The following PRKD1 variants were observed in gnomAD, a reference collection of about 807,000 sequenced individuals.
PRKD1 encodes serine/threonine-protein kinase D1.
Under a neutral mutation model 95.9 loss-of-function variants are expected in PRKD1, and 63 were observed. The observed-to-expected ratio is 0.66, with a 90% CI of 0.54 to 0.81. The LOEUF is 0.81. PRKD1 is among the 30% of genes least tolerant of loss of function. PRKD1 has a pLI of 0.00. For synonymous variants in PRKD1, 425 were observed against 423.1 expected (o/e 1.00, Z -0.05); for missense variants, 1,048 against 1,165.3 (o/e 0.90, Z 1.47).
At chr14:29,767,174 G>C (rs1027201430) in intron 1 of PRKD1, among the ~76,000 whole-genome samples, 1 of 152,074 alleles carries the variant, frequency 6.6e-6, no homozygotes. Flanking sequence ...TGTCCAGATT[G>C]TCTGCTCCGC....
chr14:29,580,192 C>T lies in PRKD1; in HGVS notation c.2435-1832G>A, dbSNP rs45465193. On this transcript the variant is annotated intron_variant, in intron 16 of 17. Transcript: ENST00000331968. ...AACTCAACAAAAGGTCTCGTTTGTG[C>T]CCAAATGGGCCCCAACAGTGAACCA... Among the ~76,000 whole-genome samples the T allele has an allele frequency of 3.6e-3, 549 of 152,226 alleles. 2 individuals carry two copies. The highest frequency in any genetic ancestry group is 0.013 in the African/African-American group (533 of 41,560).
intron 15 of PRKD1, among the ~76,000 whole-genome samples, chr14:29,598,186 G>A (rs1299910259): frequency 1.3e-5 from 2 of 151,798 alleles, no homozygotes; most frequent in Non-Finnish European, 2.9e-5. Context: ...TGAGGTGAGA[G>A]GATTGATTGA....
rs1369153064 is a variant in PRKD1 at position 29,597,664 on chromosome 14, A to C, written c.2261T>G (p.Val754Gly). ...VGTPAYLAPE[V>G]LRNKGYNRSL... ...GCGATTGTAGCCCTTGTTCCTTAGGACCTCAGGAGCCAGGTAAGCGGGGGT... is the reference window on the plus strand; with the variant it reads ...GCGATTGTAGCCCTTGTTCCTTAGGCCCTCAGGAGCCAGGTAAGCGGGGGT... Residue 754 changes from valine (V) to glycine (G), a missense_variant, in exon 16 of 18, where the codon GTC becomes GGC. This residue lies in a region of PRKD1 where 739 missense variants were observed against 861.9 expected (regional missense o/e 0.86). Transcript: ENST00000331968. 1 of 1,613,904 alleles carries C rather than the reference A, an allele frequency of 6.2e-7. No individual in the cohort carries two copies. Among genetic ancestry groups the C allele is most frequent in the African/African-American group, 1.3e-5 (1 of 74,964 alleles).
At chr14:29,666,420 C>T (rs1396980490) in intron 2 of PRKD1, among the ~76,000 whole-genome samples, 1 of 151,840 alleles carries the variant, frequency 6.6e-6, no homozygotes, top group Non-Finnish European at 1.5e-5. Context: ...CTCTCTTCTC[C>T]TCTTCCTGCT....
chr14:29,772,527 T>C (rs1329839488), intron 1 of PRKD1, among the ~76,000 whole-genome samples: 2 of 152,360 alleles, frequency 1.3e-5, no homozygotes, highest in Non-Finnish European at 2.9e-5. Flanking sequence ...ATATCGTATG[T>C]ACTTTATATT....
intron 4 of PRKD1, 100 bp downstream of exon 4, chr14:29,663,599 C>A: frequency 7.4e-7 from 1 of 1,346,864 alleles, no homozygotes; most frequent in Non-Finnish European, 1.0e-6. Context: ...ACCCTGGCTG[C>A]ATTCTCCCTC....
At chr14:29,597,232 A>G (rs1303693996) in intron 16 of PRKD1, among the ~76,000 whole-genome samples, 2 of 152,144 alleles carry the variant, frequency 1.3e-5, no homozygotes, top group Admixed American at 6.6e-5. Context: ...ATATTAAGGT[A>G]TAAGTATTTA....
rs151323802 is a variant in PRKD1 at position 29,606,311 on chromosome 14, C to T, written c.1906-6494G>A. ...TACAGGCATGAGCCACCACACCTGG[C>T]CAATAATGACTTTTTTGATAAATAC... On this transcript the variant is annotated intron_variant, in intron 13 of 17. Transcript: ENST00000331968. Among the ~76,000 whole-genome samples the T allele has an allele frequency of 3.5e-3, 526 of 152,272 alleles. 2 individuals are homozygous for T. The highest frequency in any genetic ancestry group is 0.011 in the African/African-American group (471 of 41,576).
intron 13 of PRKD1, among the ~76,000 whole-genome samples, chr14:29,608,240 A>G (rs960943345): frequency 6.6e-6 from 1 of 152,106 alleles, no homozygotes; most frequent in African/African-American, 2.4e-5. Flanking sequence ...TTCATATTTT[A>G]TTGGAAATTG....
At chr14:29,724,312 G>A (rs1287669878) in intron 2 of PRKD1, among the ~76,000 whole-genome samples, 1 of 152,144 alleles carries the variant, frequency 6.6e-6, no homozygotes, top group Non-Finnish European at 1.5e-5. Flanking sequence ...TTACAAAGCA[G>A]CCTGGCTGTG....
intron 13 of PRKD1, among the ~76,000 whole-genome samples, chr14:29,600,921 A>T (rs879565772): frequency 2.1e-5 from 3 of 141,236 alleles, no homozygotes; most frequent in South Asian, 2.1e-4. Context: ...TCCTAACATT[A>T]AAAAAAAATT....
In PRKD1 at chr14:29,636,237, A is replaced by G; in HGVS notation, c.1190+53T>C. On this transcript the variant is annotated intron_variant, in intron 7 of 17. Transcript: ENST00000331968. Reference sequence around the variant, plus strand: ...TAAAATATCAAAGAGGTTTAAAGAGAAAATACTGCCTGGGGTTCCCCTGTT... The same window carrying G: ...TAAAATATCAAAGAGGTTTAAAGAGGAAATACTGCCTGGGGTTCCCCTGTT... 3 of 1,600,278 alleles carry G rather than the reference A, an allele frequency of 1.9e-6. No homozygotes were observed. The South Asian group carries it at 3.3e-5, about 18-fold the overall frequency.
At position 29,821,637 on chromosome 14, in the gene PRKD1, A is replaced by G. The variant is rs45496392; in HGVS notation, c.265-95963T>C. ...GGGACACACTGGAATTTTTATAGAC[A>G]TTCAGGGCTTATAAAGCAACATAAA... is the stretch of plus-strand genomic sequence containing the variant. On this transcript the variant is annotated intron_variant, in intron 1 of 17. Transcript: ENST00000331968. Among the ~76,000 whole-genome samples the G allele has an allele frequency of 3.3e-3, 509 of 152,350 alleles. 5 individuals carry two copies. Among genetic ancestry groups the G allele is most frequent in the East Asian group, 0.017 (88 of 5,194 alleles).
chr14:29,664,713 C>A (rs1315150030), intron 3 of PRKD1, among the ~76,000 whole-genome samples: 2 of 152,186 alleles, frequency 1.3e-5, no homozygotes, highest in African/African-American at 4.8e-5. Flanking sequence ...CCCTCCCAAT[C>A]CAAAGAGAAT....
chr14:29,577,373 C>T lies in PRKD1; in HGVS notation c.2604G>A (p.Arg868=). Residue 868 remains arginine, a synonymous_variant, in exon 18 of 18, where the codon AGG becomes AGA. Coordinates refer to ENST00000331968, the MANE Select transcript of PRKD1 (RefSeq NM_002742.3). ...RYITHESDDL[R]WEKYAGEQGL... ...CCTGCTCGCCTGCATACTTCTCCCA[C>T]CTCAGGTCATCACTTTCATGGGTGA... is the stretch of plus-strand genomic sequence containing the variant. 1 of 1,613,808 alleles carries T rather than the reference C, an allele frequency of 6.2e-7. No homozygotes were observed. Among genetic ancestry groups the T allele is most frequent in the South Asian group, 1.1e-5 (1 of 91,080 alleles).
At chr14:29,655,607 CATTGTTGGA>C (rs1881786156) in intron 4 of PRKD1, among the ~76,000 whole-genome samples, 1 of 152,102 alleles carries the variant, frequency 6.6e-6, no homozygotes, top group Non-Finnish European at 1.5e-5. Flanking sequence ...ACAAGAAGAG[CATTGTTGGA>C]TGCTCTAATA....
At chr14:29,646,093 T>C (rs1298988775) in intron 4 of PRKD1, among the ~76,000 whole-genome samples, 2 of 152,130 alleles carry the variant, frequency 1.3e-5, no homozygotes, top group Non-Finnish European at 2.9e-5. Flanking sequence ...ATATGAAAGT[T>C]CAAAGGAAAG....
intron 1 of PRKD1, among the ~76,000 whole-genome samples, chr14:29,806,409 T>C (rs150416486): frequency 1.8e-3 from 269 of 151,916 alleles, no homozygotes; most frequent in Non-Finnish European, 3.5e-3. Context: ...TAACAAATCC[T>C]AGATTTCAAT....
chr14:29,749,256 T>C (rs1379493994), intron 1 of PRKD1, among the ~76,000 whole-genome samples: 1 of 152,172 alleles, frequency 6.6e-6, no homozygotes, highest in Non-Finnish European at 1.5e-5. Flanking sequence ...CCATGTTATA[T>C]GCTAGTCTGT....
Sources: allele counts gnomAD v4.1 joint callset (sites outside exome capture counted in the v4.1 genomes callset), GRCh38; gene constraint gnomAD v4.1.1; regional missense constraint gnomAD v4.1.1; transcripts MANE v1.5; gene names NCBI Gene and HGNC (gene_info 2026-07-23, HGNC 2026-07-21).